Variants in ADAMTSL1 observed in about 807,000 individuals in gnomAD.
ADAMTSL1 encodes the protein ADAMTS like 1.
In ADAMTSL1, 126 loss-of-function variants were observed where a neutral mutation model predicts 201.8. The observed-to-expected ratio is 0.62, with a 90% confidence interval of 0.54 to 0.72. ADAMTSL1 has a LOEUF of 0.72. ADAMTSL1 is among the 30% of genes least tolerant of loss of function. The probability of loss-of-function intolerance (pLI) is 0.00; values close to 1 mark genes in which losing one functional copy is unlikely to be tolerated. For missense variants in ADAMTSL1, 2,679 were observed against 2,277.8 expected, an observed-to-expected ratio of 1.18 and a Z score of -3.59; for synonymous variants, 1,121 against 903.4, an observed-to-expected ratio of 1.24 and a Z score of -4.32.
At chr9:18,074,498 T>TTTCTA (rs140478783) in intron 1 of ADAMTSL1, among the ~76,000 whole-genome samples, 2 of 89,492 alleles carry the variant, frequency 2.2e-5, no homozygotes, top group Non-Finnish European at 4.7e-5. Flanking sequence ...TTTCTTTTCT[T>TTTCTA]TTCTTTTCTT....
At chr9:18,552,269 TA>T (rs927717039) in intron 3 of ADAMTSL1, among the ~76,000 whole-genome samples, 5 of 151,450 alleles carry the variant, frequency 3.3e-5, no homozygotes, top group East Asian at 1.9e-4. Context: ...CGCAGTGTGA[TA>T]AAAAAAAATT....
At chr9:17,993,681 G>A (rs1168640611) in intron 1 of ADAMTSL1, among the ~76,000 whole-genome samples, 1 of 152,152 alleles carries the variant, frequency 6.6e-6, no homozygotes, top group East Asian at 1.9e-4. Flanking sequence ...GCTAAGTTGG[G>A]GAGATCCTTC....
At chr9:18,890,721 A>ACCC in intron 25 of ADAMTSL1, 1 of 343,004 alleles carries the variant, frequency 2.9e-6, no homozygotes, top group South Asian at 2.2e-5. Context: ...CCTTTCTCAA[A>ACCC]CCCCCCCCAC....
At chr9:18,720,707 C>T (rs972722958) in intron 14 of ADAMTSL1, among the ~76,000 whole-genome samples, 1 of 151,994 alleles carries the variant, frequency 6.6e-6, no homozygotes, top group Admixed American at 6.6e-5. Flanking sequence ...CGCTTGAACC[C>T]GGAAGGCAGA....
At chr9:18,433,786 C>G (rs1819601370) in intron 2 of ADAMTSL1, among the ~76,000 whole-genome samples, 1 of 152,136 alleles carries the variant, frequency 6.6e-6, no homozygotes, top group South Asian at 2.1e-4. Flanking sequence ...AATAGTTCCA[C>G]AAGTTTTAAC....
chr9:18,338,491 G>A (rs550454490), intron 2 of ADAMTSL1, among the ~76,000 whole-genome samples: 2 of 152,140 alleles, frequency 1.3e-5, no homozygotes, highest in East Asian at 1.9e-4. Flanking sequence ...CCTGTCCCCA[G>A]GTTAGAGTGT....
chr9:18,905,999 C>G, intron 27 of ADAMTSL1, 108 bp downstream of exon 27: 2 of 930,104 alleles, frequency 2.2e-6, no homozygotes, highest in Non-Finnish European at 3.2e-6. Flanking sequence ...GTCCCAAGCC[C>G]TGCCTGGGAC....
At chr9:18,717,154 A>G (rs866391699) in intron 14 of ADAMTSL1, among the ~76,000 whole-genome samples, 2,283 of 150,936 alleles carry the variant, frequency 0.015, 17 homozygotes, top group Middle Eastern at 0.028. Context: ...GTTAGTGGGT[A>G]CAGCGCACCA....
At position 18,131,689 on chromosome 9, in the gene ADAMTSL1, A is replaced by T. The variant is rs184886929; in HGVS notation, c.88-32173A>T. ...TAGAGGATTTGTGACCTCTCTCATC[A>T]TTTCCCTCTGTAGTCTTTTGCTGGG... On this transcript the variant is annotated intron_variant, in intron 1 of 29. Coordinates refer to the ADAMTSL1 transcript ENST00000680146. Among the ~76,000 whole-genome samples the T allele has an allele frequency of 2.6e-4, 40 of 152,022 alleles. 1 individual carries two copies. In the East Asian group the frequency reaches 7.6e-3, roughly 29 times the overall value.
At chr9:18,005,692 A>C (rs1325670163) in intron 1 of ADAMTSL1, among the ~76,000 whole-genome samples, 1 of 152,080 alleles carries the variant, frequency 6.6e-6, no homozygotes, top group Non-Finnish European at 1.5e-5. Flanking sequence ...AGACAGTGAA[A>C]AAGTGAGTGA....
At chr9:18,358,200 GCCT>G (rs1836342537) in intron 2 of ADAMTSL1, among the ~76,000 whole-genome samples, 4 of 152,142 alleles carry the variant, frequency 2.6e-5, no homozygotes, top group Admixed American at 2.6e-4. Flanking sequence ...ACATAACAGT[GCCT>G]GGAATAAGGG....
intron 23 of ADAMTSL1, among the ~76,000 whole-genome samples, chr9:18,881,211 T>C (rs1024749113): frequency 6.6e-6 from 1 of 152,246 alleles, no homozygotes; most frequent in Non-Finnish European, 1.5e-5. Context: ...GTAGCTCTTC[T>C]AATGTTCTTC....
At chr9:18,078,752 C>A (rs556962809) in intron 1 of ADAMTSL1, among the ~76,000 whole-genome samples, 7 of 152,218 alleles carry the variant, frequency 4.6e-5, no homozygotes, top group African/African-American at 1.4e-4. Context: ...TCCAGAAGCC[C>A]AGTCCACCCA....
chr9:17,926,579 T>A (rs1044643532), intron 1 of ADAMTSL1, among the ~76,000 whole-genome samples: 3 of 152,204 alleles, frequency 2.0e-5, no homozygotes, highest in Non-Finnish European at 1.5e-5. Flanking sequence ...GATTTTTTAC[T>A]TCATTGTAGA....
chr9:17,976,218 T>C (rs1818441110), intron 1 of ADAMTSL1, among the ~76,000 whole-genome samples: 1 of 123,794 alleles, frequency 8.1e-6, no homozygotes, highest in South Asian at 2.7e-4. Context: ...CTTTTGTGAT[T>C]TCATAAAAAT....
intron 1 of ADAMTSL1, among the ~76,000 whole-genome samples, chr9:18,129,468 G>T (rs563536898): frequency 1.4e-4 from 21 of 152,296 alleles, no homozygotes; most frequent in African/African-American, 4.8e-4. Context: ...AGGCCCCTGA[G>T]AAGACCTGCT....
intron 23 of ADAMTSL1, among the ~76,000 whole-genome samples, chr9:18,831,159 A>G (rs1466012589): frequency 6.6e-6 from 1 of 152,216 alleles, no homozygotes; most frequent in Non-Finnish European, 1.5e-5. Context: ...TGATTTCTCT[A>G]TTTTTGACTT....
intron 7 of ADAMTSL1, among the ~76,000 whole-genome samples, chr9:18,649,503 C>T (rs1828058421): frequency 6.6e-6 from 1 of 152,006 alleles, no homozygotes; most frequent in Non-Finnish European, 1.5e-5. Context: ...TCTGTTTTCT[C>T]CCCATCTTTG....
intron 2 of ADAMTSL1, among the ~76,000 whole-genome samples, chr9:18,410,758 A>T (rs183612218): frequency 1.3e-5 from 2 of 152,198 alleles, no homozygotes; most frequent in Admixed American, 6.5e-5. Flanking sequence ...TGCTGGGTCA[A>T]ATGGTATTTC....
Sources: allele counts gnomAD v4.1 joint callset (sites outside exome capture counted in the v4.1 genomes callset), GRCh38; gene constraint gnomAD v4.1.1; transcripts MANE v1.5; gene names NCBI Gene and HGNC (gene_info 2026-07-23, HGNC 2026-07-21).